TTN: variants seen among roughly 807,000 people sequenced by gnomAD.
TTN encodes titin, also known as connectin.
In TTN, 1,525 loss-of-function variants were observed where a neutral mutation model predicts 3,223.0. The observed-to-expected ratio is 0.47, with a 90% CI of 0.45 to 0.49. The LOEUF (loss-of-function observed/expected upper bound fraction) is 0.49. Ranked by LOEUF, TTN falls within the 20% of genes least tolerant of loss-of-function variation. The pLI, the probability that TTN is intolerant of heterozygous loss-of-function variation, is 0.00. For synonymous variants in TTN, 14,094 were observed against 15,161.0 expected (o/e 0.93, Z 5.17); for missense variants, 40,786 against 43,424.0 (o/e 0.94, Z 5.40).
At chr2:178,615,539 T>C (rs1481607614) in intron 258 of TTN, 55 bp from the exon 259 acceptor site, 1 of 1,608,186 alleles carries the variant, frequency 6.2e-7, no homozygotes, top group Non-Finnish European at 8.5e-7. Flanking sequence ...TGCAGTTCTC[T>C]TCACATTGCC....
rs2078749547 is a variant in TTN, at chr2:178,723,306, T to C, written c.21701A>G (p.Lys7234Arg). The part of the protein sequence containing the change: ...LFVKEPAAFL[K>R]RLSDHSVEPG... Reference sequence around the variant, plus strand: ...TTCTACAGAATGATCACTTAATCTCTTCAAAAATGCAGCTGGTTCTAGTAA... The same window carrying C: ...TTCTACAGAATGATCACTTAATCTCCTCAAAAATGCAGCTGGTTCTAGTAA... Residue 7234 changes from lysine to arginine, a missense_variant, in exon 75 of 363, where the codon AAG becomes AGG. Coordinates refer to ENST00000589042, the MANE Select transcript of TTN (RefSeq NM_001267550.2). The C allele has an allele frequency of 6.2e-7, 1 of 1,611,662 alleles. No homozygotes were observed. The highest frequency in any genetic ancestry group is 8.5e-7 in the Non-Finnish European group (1 of 1,178,770).
rs2079574603 is a variant in TTN at position 178,727,565 on chromosome 2, A to C, written c.19993+20T>G. 6.5e-7 allele frequency: 1 copy of C among 1,543,492 alleles called. No individual in the cohort carries two copies. Among genetic ancestry groups the C allele is most frequent in the Non-Finnish European group, 8.7e-7 (1 of 1,147,528 alleles). ...AAAGACACAGTCAGACAGAAACATA[A>C]AGGAATCAAATTTGCACACCTGTCA... On this transcript the variant is annotated intron_variant, in intron 68 of 362. Transcript: ENST00000589042.
chr2:178,569,829 A>C lies in TTN; in HGVS notation c.76303T>G (p.Cys25435Gly), dbSNP rs1329731754. ...SWSKPIYDGG[C>G]EIQGYIVEKC... ...TCAACAATGTATCCTTGAATTTCACAGCCACCATCATATATTGGTTTGCTC... is the reference window on the plus strand; with the variant it reads ...TCAACAATGTATCCTTGAATTTCACCGCCACCATCATATATTGGTTTGCTC... The change falls in exon 326 of 363, where the codon TGT (cysteine) becomes GGT (glycine). Residue 25435 changes from cysteine to glycine, a missense_variant. Cys to Gly is a radical substitution (Grantham distance 159). Transcript: ENST00000589042. 6.2e-7 allele frequency: 1 copy of C among 1,613,476 alleles called. No homozygotes were observed. The highest frequency in any genetic ancestry group is 1.7e-5 in the Admixed American group (1 of 59,984).
Position 178,573,170 on chromosome 2 carries a change from A to G in TTN, c.72962T>C (p.Val24321Ala). 1 of 1,612,320 alleles carries G rather than the reference A, an allele frequency of 6.2e-7. No individual in the cohort carries two copies. The highest frequency in any genetic ancestry group is 8.5e-7 in the Non-Finnish European group (1 of 1,179,028). ...TSPFYKACDT[V>A]FKPGPPGNPR... ...GTTACCTGGTGGTCCAGGTTTAAAC[A>G]CAGTGTCACAAGCCTTGTAAAATGG... Residue 24321 changes from valine to alanine, a missense_variant, in exon 326 of 363, where the codon GTG becomes GCG. Transcript: ENST00000589042.
rs1194863349 is a variant in TTN, at chr2:178,552,798, T to A, written c.90102A>T (p.Ile30034=). Residue 30034 remains isoleucine, a synonymous_variant, in exon 335 of 363, where the codon ATA becomes ATT. Transcript: ENST00000589042. ...PVKAAEVPAP[I]RDLSMKDSTK... is the part of the protein sequence containing the mutation. ...TTGAGTCTTTCATTGAGAGATCACG[T>A]ATAGGAGCTGGTACTTCAGCAGCCT... 46 of 1,613,794 alleles carry A rather than the reference T, an allele frequency of 2.9e-5. No homozygotes were observed. The highest frequency in any genetic ancestry group is 3.9e-5 in the Non-Finnish European group (46 of 1,179,838).
Position 178,559,405 on chromosome 2 carries a change from T to C in TTN, c.86727A>G (p.Leu28909=). 1.2e-6 allele frequency: 2 copies of C among 1,613,774 alleles called. No individual in the cohort carries two copies. The highest frequency in any genetic ancestry group is 1.7e-6 in the Non-Finnish European group (2 of 1,179,700). Residue 28909 remains leucine (L), a synonymous_variant, in exon 326 of 363, where the codon TTA becomes TTG. Transcript: ENST00000589042. ...TGAAGTAATAGATAGCTCCTTCTTG[T>C]AAATTGGTAACTTTGTAGGAGAGGC... ...CNRLSYKVTN[L]QEGAIYYFRV... is the part of the protein sequence containing the mutation.
Position 178,730,241 on chromosome 2 carries a change from G to C in TTN, c.18159C>G (p.His6053Gln). Residue 6053 changes from histidine (H) to glutamine (Q), a missense_variant, in exon 62 of 363, where the codon CAC (histidine) becomes CAG (glutamine). His to Gln is a conservative substitution (Grantham distance 24, BLOSUM62 0). Transcript: ENST00000589042. ...IKWFKDNKEL[H>Q]SGAARSVWKD... ...TCCAAACTGAGCGGGCTGCTCCTGAGTGTAACTCTTTGTTATCTTTAAACC... is the reference window on the plus strand; with the variant it reads ...TCCAAACTGAGCGGGCTGCTCCTGACTGTAACTCTTTGTTATCTTTAAACC... The C allele has an allele frequency of 3.7e-6, 6 of 1,613,384 alleles. No individual in the cohort carries two copies. The highest frequency in any genetic ancestry group is 5.1e-6 in the Non-Finnish European group (6 of 1,179,628).
At chr2:178,644,084 A>G (rs1425731848) in intron 218 of TTN, among the ~76,000 whole-genome samples, 1 of 152,030 alleles carries the variant, frequency 6.6e-6, no homozygotes, top group Non-Finnish European at 1.5e-5. Context: ...CAGTGAGAAG[A>G]GAGTGACATG....
At position 178,784,164 on chromosome 2, in the gene TTN, G is replaced by A; in HGVS notation, c.2681C>T (p.Ala894Val). Residue 894 changes from alanine to valine, a missense_variant, in exon 16 of 363, where the codon GCT becomes GTT. Coordinates refer to ENST00000589042, the MANE Select transcript of TTN (RefSeq NM_001267550.2). Reference protein sequence around the residue: ...ADTPDTYKSEAGVEVKKEVGV... With the variant: ...ADTPDTYKSEVGVEVKKEVGV... ...TACTTCCTTTTTCACCTCAACGCCA[G>A]CTTCACTCTTGTAAGTATCTGGTGT... 6.2e-7 allele frequency: 1 copy of A among 1,614,136 alleles called. No individual in the cohort carries two copies. The highest frequency in any genetic ancestry group is 8.5e-7 in the Non-Finnish European group (1 of 1,180,000).
chr2:178,804,612 G>A lies in TTN; in HGVS notation c.31C>T (p.Pro11Ser), dbSNP rs775206165. MTTQAPTFTQ[P>S]LQSVVVLEGS... is the part of the protein sequence containing the mutation. ...TCCAGTACCACAACGCTTTGTAACG[G>A]CTGCGTAAACGTCGGTGCTTGAGTT... The change falls in exon 2 of 363, where the codon CCG becomes TCG. Residue 11 changes from proline (P) to serine (S), a missense_variant. By Grantham distance (74) the Pro-to-Ser change is moderately conservative. Transcript: ENST00000589042. 15 of 1,613,846 alleles carry A rather than the reference G, an allele frequency of 9.3e-6. No individual in the cohort carries two copies. The Admixed American group carries it at 1.7e-4, about 18-fold the overall frequency.
At chr2:178,739,061 G>GA (rs1011981058) in intron 48 of TTN, 80 bp downstream of exon 48, 5 of 1,416,762 alleles carry the variant, frequency 3.5e-6, no homozygotes, top group Non-Finnish European at 4.6e-6. Flanking sequence ...GCAGATAAGT[G>GA]AAAATTTAAG....
chr2:178,790,263 G>A (rs1257157684), intron 11 of TTN, 148 bp from the exon 12 acceptor site: 1 of 855,356 alleles, frequency 1.2e-6, no homozygotes, highest in Non-Finnish European at 1.7e-6. Context: ...GAGTTACTTT[G>A]ATCATCCATA....
Position 178,699,625 on chromosome 2 carries a change from A to G in TTN, c.30683-711T>C, listed in dbSNP as rs1381110183. ...ACGGGGTTTCACCGTGTTAGCCAAG[A>G]TGGTCTCGATCTCCTGACCTTGTGA... On this transcript the variant is annotated intron_variant, in intron 111 of 362. Coordinates refer to ENST00000589042, the MANE Select transcript of TTN (RefSeq NM_001267550.2). 3.5e-5 allele frequency among the ~76,000 whole-genome samples: 5 copies of G among 141,746 alleles called. No individual in the cohort carries two copies. The East Asian group carries it at 1.0e-3, about 29-fold the overall frequency. 93.0% of individuals were successfully genotyped at this position (141,746 alleles called of 152,430 possible).
chr2:178,780,890 T>TACAACAAAA (rs2092705992), intron 21 of TTN, among the ~76,000 whole-genome samples: 1 of 152,192 alleles, frequency 6.6e-6, no homozygotes, highest in African/African-American at 2.4e-5. Flanking sequence ...ATGATATGCC[T>TACAACAAAA]AGAAACAAAT....
intron 330 of TTN, chr2:178,555,745 G>A (rs1467660963): frequency 1.3e-5 from 2 of 152,394 alleles, no homozygotes; most frequent in Non-Finnish European, 2.9e-5. Context: ...ACAGCCCTGA[G>A]ATTCTCAGCA....
At chr2:178,727,936 T>C (rs2079642911) in intron 67 of TTN, 73 bp from the exon 68 acceptor site, 1 of 1,465,568 alleles carries the variant, frequency 6.8e-7, no homozygotes, top group African/African-American at 1.4e-5. Flanking sequence ...TTATGGACAT[T>C]TAAGAAAACA....
rs1343753783 is a variant in TTN at position 178,601,900 on chromosome 2, G to T, written c.55284C>A (p.Asp18428Glu). 6.2e-7 allele frequency: 1 copy of T among 1,612,328 alleles called. No individual in the cohort carries two copies. Among genetic ancestry groups the T allele is most frequent in the Non-Finnish European group, 8.5e-7 (1 of 1,179,154 alleles). ...TTTTTACCTGTGCATCTTCGGGTAT[G>T]TCATGAACTCCATCCTATTAGAAAA... ...AKKAMKDGVH[D>E]IPEDAQLETA... Residue 18428 changes from aspartate to glutamate, a missense_variant, in exon 285 of 363, where the codon GAC becomes GAA. Asp to Glu is a conservative substitution (Grantham distance 45). Coordinates refer to ENST00000589042, the MANE Select transcript of TTN (RefSeq NM_001267550.2).
intron 168 of TTN, 40 bp from the exon 169 acceptor site, chr2:178,664,138 A>C: frequency 6.5e-7 from 1 of 1,534,882 alleles, no homozygotes; most frequent in Non-Finnish European, 8.9e-7. Context: ...GAAAATACAG[A>C]GATTACTAGA....
chr2:178,646,654 C>T (rs1319501665), intron 215 of TTN, 95 bp from the exon 216 acceptor site: 1 of 688,508 alleles, frequency 1.5e-6, no homozygotes, highest in Non-Finnish European at 2.4e-6. Flanking sequence ...ATTACAGTCA[C>T]AAAATAAAAA....
Sources: gnomAD v4.1 joint callset for allele counts (sites outside exome capture counted in the v4.1 genomes callset) on GRCh38, gnomAD v4.1.1 for gene constraint, MANE v1.5 for transcripts, NCBI Gene and HGNC (gene_info 2026-07-23, HGNC 2026-07-21) for gene names.